MAF: variants seen among roughly 807,000 people sequenced by gnomAD.
MAF encodes MAF bZIP transcription factor.
MAF carries 10 observed loss-of-function variants against 22.0 expected under a neutral mutation model. The observed-to-expected ratio is 0.45, with a 90% CI of 0.28 to 0.77. The LOEUF is 0.77. Ranked by LOEUF, MAF falls within the 30% of genes least tolerant of loss-of-function variation. The probability of loss-of-function intolerance (pLI) is 0.12; values close to 1 mark genes in which losing one functional copy is unlikely to be tolerated. For missense variants in MAF, 544 were observed against 548.4 expected (o/e 0.99, Z 0.08); for synonymous variants, 337 against 255.8 (o/e 1.32, Z -3.03).
chr16:79,380,365 T>C, the MAF span, among the ~76,000 whole-genome samples: 1 of 152,218 alleles, frequency 6.6e-6, no homozygotes, highest in African/African-American at 2.4e-5. Context: ...CAGTAATAAT[T>C]AACAATAGTA....
the MAF span, among the ~76,000 whole-genome samples, chr16:79,415,711 G>A: frequency 1.3e-5 from 2 of 151,824 alleles, no homozygotes; most frequent in Non-Finnish European, 2.9e-5. Flanking sequence ...ATATTAGAAA[G>A]GGCATGGGCT....
the MAF span, among the ~76,000 whole-genome samples, chr16:79,424,312 T>G: frequency 6.6e-6 from 1 of 151,878 alleles, no homozygotes; most frequent in South Asian, 2.1e-4. Flanking sequence ...CATGGTAGAG[T>G]CCACAGACTG....
chr16:79,247,774 G>A, the MAF span, among the ~76,000 whole-genome samples: 1 of 152,106 alleles, frequency 6.6e-6, no homozygotes, highest in African/African-American at 2.4e-5. Context: ...CCATTTGTGT[G>A]TGCATCAGAA....
the MAF span, among the ~76,000 whole-genome samples, chr16:79,291,371 G>T: frequency 6.6e-6 from 1 of 152,104 alleles, no homozygotes; most frequent in Non-Finnish European, 1.5e-5. Flanking sequence ...TCACCTTGTT[G>T]GTTCAAGTTT....
At chr16:79,479,087 A>G in the MAF span, among the ~76,000 whole-genome samples, 2 of 151,118 alleles carry the variant, frequency 1.3e-5, no homozygotes, top group Non-Finnish European at 1.5e-5. Flanking sequence ...ATAGCATTCT[A>G]GTGCACCCGT....
the MAF span, among the ~76,000 whole-genome samples, chr16:79,299,782 C>A: frequency 1.3e-5 from 2 of 152,244 alleles, no homozygotes; most frequent in Admixed American, 6.5e-5. Context: ...CACATGGCCA[C>A]AGTCTCTCTC....
chr16:79,317,077 G>A, the MAF span, among the ~76,000 whole-genome samples: 1 of 152,020 alleles, frequency 6.6e-6, no homozygotes, highest in African/African-American at 2.4e-5. Flanking sequence ...TGGATTTTTT[G>A]TTTCTCTCCC....
the MAF span, chr16:79,212,696 A>ATGTTTGTTTCAGTTTG: frequency 6.6e-6 from 1 of 152,158 alleles, no homozygotes; most frequent in African/African-American, 2.4e-5. Context: ...GTTTCTTTAA[A>ATGTTTGTTTCAGTTTG]TGTTTGTTTC....
the MAF span, among the ~76,000 whole-genome samples, chr16:79,482,290 G>T: frequency 6.6e-6 from 1 of 152,062 alleles, no homozygotes; most frequent in Admixed American, 6.5e-5. Flanking sequence ...CTTTCTGGGG[G>T]TTCATTTCCT....
chr16:79,584,109 A>T (rs1459802218), downstream of MAF, among the ~76,000 whole-genome samples: 2 of 152,184 alleles, frequency 1.3e-5, no homozygotes, highest in Admixed American at 1.3e-4. Context: ...TGCTTCTGAG[A>T]CTACATAAAA....
chr16:79,360,480 T>C, the MAF span, among the ~76,000 whole-genome samples: 26 of 152,204 alleles, frequency 1.7e-4, no homozygotes, highest in Non-Finnish European at 3.2e-4. Context: ...TGAGCCTGTT[T>C]TTCTCATCTG....
the MAF span, among the ~76,000 whole-genome samples, chr16:79,232,569 G>C: frequency 6.6e-6 from 1 of 151,980 alleles, no homozygotes; most frequent in African/African-American, 2.4e-5. Flanking sequence ...CCTAATATTA[G>C]AAGGACATTT....
the MAF span, among the ~76,000 whole-genome samples, chr16:79,255,580 G>A: frequency 2.6e-5 from 4 of 152,204 alleles, no homozygotes; most frequent in Non-Finnish European, 1.5e-5. Context: ...CATCTTGAGG[G>A]CTTGTTGGAG....
At chr16:79,410,637 A>ATGGCT in the MAF span, among the ~76,000 whole-genome samples, 8 of 152,242 alleles carry the variant, frequency 5.3e-5, no homozygotes, top group Admixed American at 5.2e-4. Context: ...AGTAACATGC[A>ATGGCT]TGGCTGTGAC....
the MAF span, among the ~76,000 whole-genome samples, chr16:79,327,762 C>T: frequency 6.6e-6 from 1 of 152,200 alleles, no homozygotes; most frequent in Non-Finnish European, 1.5e-5. Context: ...TTAATCTTCA[C>T]AAGTCCCTGA....
At chr16:79,457,591 C>T in the MAF span, among the ~76,000 whole-genome samples, 3 of 152,072 alleles carry the variant, frequency 2.0e-5, no homozygotes, top group Admixed American at 6.5e-5. Context: ...ATGAGCCAGC[C>T]GTCCAATAAA....
the MAF span, among the ~76,000 whole-genome samples, chr16:79,403,775 C>G: frequency 6.6e-6 from 1 of 152,150 alleles, no homozygotes; most frequent in East Asian, 1.9e-4. Context: ...CTGAACAAAA[C>G]AGTAAATAAG....
At chr16:79,266,572 A>G in the MAF span, among the ~76,000 whole-genome samples, 132 of 152,324 alleles carry the variant, frequency 8.7e-4, no homozygotes, top group African/African-American at 3.0e-3. Flanking sequence ...AAATAGCCAT[A>G]TGCATGATAT....
At chr16:79,400,218 A>C in the MAF span, among the ~76,000 whole-genome samples, 1 of 152,204 alleles carries the variant, frequency 6.6e-6, no homozygotes, top group African/African-American at 2.4e-5. Context: ...CCAAAATATC[A>C]GGAGTGCCAC....
Sources: allele counts gnomAD v4.1 joint callset (sites outside exome capture counted in the v4.1 genomes callset), GRCh38; gene constraint gnomAD v4.1.1; transcripts MANE v1.5; gene names NCBI Gene and HGNC (gene_info 2026-07-23, HGNC 2026-07-21).